RASA2: variants seen among roughly 807,000 people sequenced by gnomAD.
RASA2 encodes the protein ras GTPase-activating protein 2.
RASA2 carries 155 observed loss-of-function variants against 118.2 expected under a neutral mutation model. That is an observed-to-expected ratio of 1.31 (90% CI 1.15 to 1.50). The LOEUF (loss-of-function observed/expected upper bound fraction) is 1.50, where lower values mean the gene tolerates loss of function less well. Ranked by LOEUF, RASA2 falls within the 40% of genes most tolerant of loss-of-function variation. The pLI is 0.00. For synonymous variants in RASA2, 353 were observed against 349.1 expected, an observed-to-expected ratio of 1.01 and a Z score of -0.12; for missense variants, 1,016 against 1,009.6, an observed-to-expected ratio of 1.01 and a Z score of -0.09.
At chr3:141,546,813 G>A (rs2082493210) in intron 5 of RASA2, among the ~76,000 whole-genome samples, 1 of 152,152 alleles carries the variant, frequency 6.6e-6, no homozygotes, top group Non-Finnish European at 1.5e-5. Flanking sequence ...TTTTCTTGTA[G>A]TAATTTCATA....
chr3:141,594,852 TG>T (rs574674954), intron 19 of RASA2, among the ~76,000 whole-genome samples: 49 of 150,594 alleles, frequency 3.3e-4, no homozygotes, highest in Non-Finnish European at 5.8e-4. Flanking sequence ...GGTAAATATG[TG>T]GGTAAATGTA....
chr3:141,510,236 A>G (rs2081930869), intron 1 of RASA2, among the ~76,000 whole-genome samples: 1 of 152,170 alleles, frequency 6.6e-6, no homozygotes, highest in Non-Finnish European at 1.5e-5. Context: ...TAGCAGAGTA[A>G]GAGAGGAATA....
chr3:141,554,114 C>T lies in RASA2; in HGVS notation c.611+174C>T, dbSNP rs950473087. On this transcript the variant is annotated intron_variant, in intron 6 of 23. Coordinates refer to ENST00000286364, the MANE Select transcript of RASA2 (RefSeq NM_006506.5). The stretch of plus-strand genomic sequence containing the variant: ...TTATACACTTGTCAATAACAAAGCC[C>T]TCTTTTTACAGACAGAAATTGGTAC... Among the ~76,000 whole-genome samples the T allele has an allele frequency of 2.0e-5, 3 of 152,116 alleles. 1 individual carries two copies. The South Asian group carries it at 6.2e-4, about 32-fold the overall frequency.
At chr3:141,595,320 T>C (rs1393955457) in intron 19 of RASA2, among the ~76,000 whole-genome samples, 1 of 152,200 alleles carries the variant, frequency 6.6e-6, no homozygotes, top group Non-Finnish European at 1.5e-5. Context: ...CAGACTATAT[T>C]TTAAAAAGCA....
intron 1 of RASA2, among the ~76,000 whole-genome samples, chr3:141,502,599 C>A (rs1270960039): frequency 6.6e-6 from 1 of 152,044 alleles, no homozygotes; most frequent in African/African-American, 2.4e-5. Context: ...TCCTCCGATC[C>A]CCAATTTCTG....
chr3:141,518,924 A>G (rs1407195785), intron 3 of RASA2, among the ~76,000 whole-genome samples: 1 of 152,192 alleles, frequency 6.6e-6, no homozygotes, highest in African/African-American at 2.4e-5. Flanking sequence ...TGTTAAAACT[A>G]TTTGTTACAT....
chr3:141,511,632 T>G (rs2081951724), intron 1 of RASA2, among the ~76,000 whole-genome samples: 1 of 152,086 alleles, frequency 6.6e-6, no homozygotes, highest in African/African-American at 2.4e-5. Flanking sequence ...CTAGAGCAGT[T>G]TTAGTGGCAT....
intron 3 of RASA2, among the ~76,000 whole-genome samples, chr3:141,520,953 G>T (rs2082103584): frequency 5.9e-5 from 9 of 152,160 alleles, no homozygotes; most frequent in Admixed American, 5.9e-4. Flanking sequence ...AGATGAACAG[G>T]AGATGTGAAA....
At chr3:141,590,626 A>C (rs1372456317) in intron 19 of RASA2, among the ~76,000 whole-genome samples, 1 of 152,244 alleles carries the variant, frequency 6.6e-6, no homozygotes, top group Non-Finnish European at 1.5e-5. Flanking sequence ...TTTTCTAGGT[A>C]GCCAAGACTT....
At chr3:141,496,555 T>C (rs2081705443) in intron 1 of RASA2, among the ~76,000 whole-genome samples, 1 of 152,140 alleles carries the variant, frequency 6.6e-6, no homozygotes, top group South Asian at 2.1e-4. Context: ...CCAACAGACA[T>C]ATGAAATAAT....
Position 141,559,961 on chromosome 3 carries a change from A to T in RASA2, c.829A>T (p.Asn277Tyr), listed in dbSNP as rs373618179. Residue 277 changes from asparagine (N) to tyrosine (Y), a missense_variant, in exon 9 of 24, where the codon AAC becomes TAC. By Grantham distance (143) the Asn-to-Tyr change is moderately radical (BLOSUM62 -2). This residue lies in a region of RASA2 where 896 missense variants were observed against 836.4 expected (regional missense o/e 1.07). Transcript: ENST00000286364. The part of the protein sequence containing the change: ...VFLGEIKVPV[N>Y]VLRTDSSHQA... ...CCTAGGTGAGATTAAGGTTCCTGTG[A>T]ACGTATTAAGAACTGATTCCTCTCA... 101 of 1,613,146 alleles carry T rather than the reference A, an allele frequency of 6.3e-5. No homozygotes were observed. The highest frequency in any genetic ancestry group is 8.0e-5 in the African/African-American group (6 of 74,908).
At chr3:141,504,321 G>C (rs527677280) in intron 1 of RASA2, among the ~76,000 whole-genome samples, 1 of 151,872 alleles carries the variant, frequency 6.6e-6, no homozygotes, top group African/African-American at 2.4e-5. Flanking sequence ...CTCTATCTAG[G>C]ACCCTTTGTC....
intron 10 of RASA2, 129 bp downstream of exon 10, chr3:141,571,197 TAC>T (rs1182094045): frequency 5.1e-5 from 56 of 1,105,556 alleles, no homozygotes; most frequent in South Asian, 8.3e-5. Flanking sequence ...TACATATATA[TAC>T]ACACACACAT....
At chr3:141,538,415 A>G (rs2151100655) in intron 4 of RASA2, among the ~76,000 whole-genome samples, 1 of 152,230 alleles carries the variant, frequency 6.6e-6, no homozygotes, top group South Asian at 2.1e-4. Context: ...AGCAAAGAAA[A>G]TCTTCTGAAA....
rs113538083 is a variant in RASA2, at chr3:141,577,787, G to A, written c.1590+681G>A. Among the ~76,000 whole-genome samples, 92 of 152,112 alleles carry A rather than the reference G, an allele frequency of 6.0e-4. 1 individual carries two copies. The highest frequency in any genetic ancestry group is 2.2e-3 in the African/African-American group (90 of 41,506). On this transcript the variant is annotated intron_variant, in intron 15 of 23. Coordinates refer to ENST00000286364, the MANE Select transcript of RASA2 (RefSeq NM_006506.5). ...GTATTTTCACTTTTTATTTACCTGA[G>A]GTAATACTGTAAACATGAGATTTAA...
intron 9 of RASA2, among the ~76,000 whole-genome samples, chr3:141,562,818 A>G (rs1262964718): frequency 6.6e-6 from 1 of 151,826 alleles, no homozygotes; most frequent in East Asian, 2.0e-4. Context: ...GATGACAGGC[A>G]TCCGCCACCA....
intron 19 of RASA2, among the ~76,000 whole-genome samples, chr3:141,589,091 A>G (rs2083249730): frequency 6.6e-6 from 1 of 152,098 alleles, no homozygotes; most frequent in Non-Finnish European, 1.5e-5. Flanking sequence ...CTGCCCCCTC[A>G]GCCTCCTAAA....
intron 1 of RASA2, among the ~76,000 whole-genome samples, chr3:141,506,729 A>G (rs2081873291): frequency 1.3e-5 from 2 of 152,092 alleles, no homozygotes; most frequent in South Asian, 2.1e-4. Flanking sequence ...CCTGGGCAAC[A>G]TGGCAAAACC....
rs1274347796 is a variant in RASA2, at chr3:141,570,993, T to C, written c.945T>C (p.Tyr315=). ...DLGSLRLNIC[Y]TEDYVLPSEY... is the part of the protein sequence containing the mutation. Reference sequence around the variant, plus strand: ...GGTCTCTTCGATTAAATATATGTTATACAGAAGACTACGTGCTTCCTTCAG... The same window carrying C: ...GGTCTCTTCGATTAAATATATGTTACACAGAAGACTACGTGCTTCCTTCAG... The change falls in exon 10 of 24, where the codon TAT becomes TAC. Residue 315 remains tyrosine (Y), a synonymous_variant. Coordinates refer to ENST00000286364, the MANE Select transcript of RASA2 (RefSeq NM_006506.5). The C allele has an allele frequency of 1.2e-6, 2 of 1,612,590 alleles. No homozygotes were observed. Among genetic ancestry groups the C allele is most frequent in the Non-Finnish European group, 8.5e-7 (1 of 1,179,206 alleles).
Sources: gnomAD v4.1 joint callset for allele counts (sites outside exome capture counted in the v4.1 genomes callset) on GRCh38, gnomAD v4.1.1 for gene constraint, gnomAD v4.1.1 regional missense constraint, MANE v1.5 for transcripts, NCBI Gene and HGNC (gene_info 2026-07-23, HGNC 2026-07-21) for gene names.